BTBD2: variants seen among roughly 807,000 people sequenced by gnomAD.
BTBD2 encodes the protein BTB/POZ domain-containing protein 2.
A neutral mutation model predicts 44.0 loss-of-function variants in BTBD2; 15 were observed. The observed-to-expected ratio is 0.34, with a 90% CI of 0.23 to 0.53. The LOEUF is 0.53. Among genes scored for constraint, BTBD2 ranks in the 20% least tolerant of loss-of-function variants. The pLI, the probability that BTBD2 is intolerant of heterozygous loss-of-function variation, is 0.95. For synonymous variants in BTBD2, 443 were observed against 335.9 expected (o/e 1.32, Z -3.49); for missense variants, 657 against 746.4 (o/e 0.88, Z 1.39).
Position 2,015,680 on chromosome 19 carries a change from C to A in BTBD2, c.24G>T (p.Gly8=), listed in dbSNP as rs1307050725. Residue 8 remains glycine (G), a synonymous_variant, in exon 1 of 9, where the codon GGG becomes GGT. Coordinates refer to ENST00000255608, the MANE Select transcript of BTBD2 (RefSeq NM_017797.4). MAAGGSG[G]RASCPPGVGV... ...CGACCCCCGGCGGGCACGACGCACGCCCGCCGCTCCCACCCGCCGCCATTT... is the reference window on the plus strand; with the variant it reads ...CGACCCCCGGCGGGCACGACGCACGACCGCCGCTCCCACCCGCCGCCATTT... 2 of 990,042 alleles carry A rather than the reference C, an allele frequency of 2.0e-6. No individual in the cohort carries two copies. The highest frequency in any genetic ancestry group is 2.0e-5 in the African/African-American group (1 of 50,032). The allele number at this position is 990,042 out of a possible 1,614,324, so 61.3% of individuals were successfully genotyped here. A position where few individuals can be genotyped will look rare whatever the true frequency, so the allele number is the denominator to read the frequency against.
Position 2,000,482 on chromosome 19 carries a change from G to C in BTBD2, c.408-3019C>G, listed in dbSNP as rs565185593. On this transcript the variant is annotated intron_variant, in intron 1 of 8. Coordinates refer to ENST00000255608, the MANE Select transcript of BTBD2 (RefSeq NM_017797.4). ...CCGGCGTGGGCCGTCCATGCAGTTT[G>C]GAATCAGGGAGCACCTCTGACATGG... Among the ~76,000 whole-genome samples the C allele has an allele frequency of 3.3e-5, 5 of 152,346 alleles. No individual in the cohort carries two copies. The South Asian group carries it at 1.0e-3, about 32-fold the overall frequency.
chr19:2,015,523 C>G lies in BTBD2; in HGVS notation c.181G>C (p.Ala61Pro). ...GCGTCTGTCCCGGGGCCCGGCGGGG[C>G]GGGCGGCGTCGGCCCAGGGGCGGCG... The part of the protein sequence containing the change: ...AAAAPGPTPP[A>P]PPGPGTDAQA... Residue 61 changes from alanine to proline, a missense_variant, in exon 1 of 9, where the codon GCC (alanine) becomes CCC (proline). This residue lies in a region of BTBD2 where 191 missense variants were observed against 188.5 expected (regional missense o/e 1.01). Coordinates refer to ENST00000255608, the MANE Select transcript of BTBD2 (RefSeq NM_017797.4). The G allele has an allele frequency of 1.0e-6, 1 of 963,700 alleles. No individual in the cohort carries two copies. Among genetic ancestry groups the G allele is most frequent in the Non-Finnish European group, 1.2e-6 (1 of 823,256 alleles). The allele number at this position is 963,700 out of a possible 1,614,324, so 59.7% of individuals were successfully genotyped here.
rs557248979 is a variant in BTBD2, at chr19:2,009,577, G to A, written c.407+5720C>T. Among the ~76,000 whole-genome samples the A allele has an allele frequency of 4.0e-4, 60 of 151,870 alleles. 1 individual carries two copies. The highest frequency in any genetic ancestry group is 5.5e-4 in the African/African-American group (23 of 41,472). ...AATAAAGATACGTTAGGCTGGGCGC[G>A]GTGGCTCACACCTGGAATCCCAGCA... On this transcript the variant is annotated intron_variant, in intron 1 of 8. Transcript: ENST00000255608.
intron 2 of BTBD2, 78 bp from the exon 3 acceptor site, chr19:1,993,254 G>A: frequency 6.7e-7 from 1 of 1,488,628 alleles, no homozygotes; most frequent in Non-Finnish European, 8.9e-7. Flanking sequence ...GGACCACTCA[G>A]ACCGTTAGAC....
At chr19:1,997,310 C>T in intron 2 of BTBD2, 34 bp downstream of exon 2, 1 of 1,613,428 alleles carries the variant, frequency 6.2e-7, no homozygotes, top group African/African-American at 1.3e-5. Flanking sequence ...TCCCCAGGCC[C>T]AGCTCCCCAG....
At chr19:1,987,478 C>G in intron 6 of BTBD2, 22 bp downstream of exon 6, 1 of 1,540,512 alleles carries the variant, frequency 6.5e-7, no homozygotes, top group Non-Finnish European at 8.7e-7. Context: ...CCGGACCCCC[C>G]CGCCTGCACC....
chr19:1,993,995 C>CAAAAAAA (rs542137742), intron 2 of BTBD2, among the ~76,000 whole-genome samples: 3 of 24,962 alleles, frequency 1.2e-4, no homozygotes, highest in Non-Finnish European at 1.4e-4. Flanking sequence ...GAATCCGTCT[C>CAAAAAAA]AAAAAAAAAA....
chr19:1,986,726 G>A (rs1211449910), intron 8 of BTBD2, 77 bp from the exon 9 acceptor site: 29 of 1,583,966 alleles, frequency 1.8e-5, no homozygotes, highest in Admixed American at 1.4e-4. Context: ...GCAAGGCCCC[G>A]ACTGGGCCAG....
chr19:1,990,200 G>C lies in BTBD2; in HGVS notation c.792C>G (p.Asp264Glu). The change falls in exon 5 of 9, where the codon GAC (aspartate) becomes GAG (glutamate). Residue 264 changes from aspartate (D) to glutamate (E), a missense_variant and splice_region_variant. Coordinates refer to ENST00000255608, the MANE Select transcript of BTBD2 (RefSeq NM_017797.4). ...CGCGCTCCAGGACAGCCACCAGCGT[G>C]TCTGTGGGGTGGAGGAAGGGGCTGC... ...TAEGFTDIDL[D>E]TLVAVLERDT... 1 of 1,593,456 alleles carries C rather than the reference G, an allele frequency of 6.3e-7. No individual in the cohort carries two copies. Among genetic ancestry groups the C allele is most frequent in the Non-Finnish European group, 8.5e-7 (1 of 1,171,012 alleles).
chr19:1,998,039 GAC>G (rs996413380), intron 1 of BTBD2, among the ~76,000 whole-genome samples: 2 of 151,980 alleles, frequency 1.3e-5, no homozygotes, highest in African/African-American at 4.8e-5. Context: ...GCTCATTTAT[GAC>G]ACATGCATTC....
At chr19:2,000,987 G>T (rs2016322661) in intron 1 of BTBD2, among the ~76,000 whole-genome samples, 1 of 152,200 alleles carries the variant, frequency 6.6e-6, no homozygotes, top group Admixed American at 6.5e-5. Flanking sequence ...CAGATTCAGA[G>T]ACAGAAAGGA....
In BTBD2 at chr19:1,987,702, A is replaced by G. The variant is rs1287616811; in HGVS notation, c.989-10T>C. 1.3e-6 allele frequency: 2 copies of G among 1,580,970 alleles called. No individual in the cohort carries two copies. The highest frequency in any genetic ancestry group is 2.3e-5 in the East Asian group (1 of 44,414). On this transcript the variant is annotated splice_polypyrimidine_tract_variant and intron_variant, in intron 5 of 8. Transcript: ENST00000255608. The stretch of plus-strand genomic sequence containing the variant: ...CCCGACTGTGCGGGACCTGCAGCAC[A>G]GGGAGGGTGTGGGGGAGGGCCGGGC...
At chr19:2,006,927 G>A (rs184697340) in intron 1 of BTBD2, among the ~76,000 whole-genome samples, 266 of 151,928 alleles carry the variant, frequency 1.8e-3, no homozygotes, top group African/African-American at 5.7e-3. Context: ...ACGCGATCTC[G>A]GCTCGCTGCA....
rs142163941 is a variant in BTBD2 at position 2,008,476 on chromosome 19, A to G, written c.407+6821T>C. Among the ~76,000 whole-genome samples, 319 of 151,790 alleles carry G rather than the reference A, an allele frequency of 2.1e-3. 1 individual carries two copies. Among genetic ancestry groups the G allele is most frequent in the Non-Finnish European group, 4.0e-3 (272 of 67,968 alleles). Reference sequence around the variant, plus strand: ...TGGGTACTTTTTGTATTTTTAATACAGACAGAGTTTCACTATGTTGGCCAA... The same window carrying G: ...TGGGTACTTTTTGTATTTTTAATACGGACAGAGTTTCACTATGTTGGCCAA... On this transcript the variant is annotated intron_variant, in intron 1 of 8. Coordinates refer to ENST00000255608, the MANE Select transcript of BTBD2 (RefSeq NM_017797.4).
rs551959251 is a variant in BTBD2, at chr19:1,991,525, C to T, written c.685-703G>A. On this transcript the variant is annotated intron_variant, in intron 3 of 8. Transcript: ENST00000255608. The stretch of plus-strand genomic sequence containing the variant: ...GGAGTGAGCTCCAGCCTCCTCTCAG[C>T]TCAGGCAGAGGCCTCTCCAGCAAGG... 6.6e-5 allele frequency among the ~76,000 whole-genome samples: 10 copies of T among 152,310 alleles called. No individual in the cohort carries two copies. In the East Asian group the frequency reaches 1.9e-3, roughly 29 times the overall value.
rs533043861 is a variant in BTBD2 at position 2,012,253 on chromosome 19, C to T, written c.407+3044G>A. On this transcript the variant is annotated intron_variant, in intron 1 of 8. Transcript: ENST00000255608. ...CTGCAACCTCCACCTCCTGGGTTCA[C>T]GAGATTCTCCTGCCTCAGCCTCCTG... is the stretch of plus-strand genomic sequence containing the variant. Among the ~76,000 whole-genome samples the T allele has an allele frequency of 6.0e-5, 9 of 149,512 alleles. 1 individual carries two copies. Among genetic ancestry groups the T allele is most frequent in the African/African-American group, 2.0e-4 (8 of 39,804 alleles).
chr19:1,990,864 C>T (rs1348033175), intron 3 of BTBD2, 42 bp from the exon 4 acceptor site: 2 of 1,503,348 alleles, frequency 1.3e-6, no homozygotes, highest in Admixed American at 2.0e-5. Flanking sequence ...GGGACATCAG[C>T]ACCCAGCCCT....
At chr19:2,014,588 A>G (rs60999950) in intron 1 of BTBD2, 16,133 of 135,538 alleles carry the variant, frequency 0.12, 1,594 homozygotes, top group African/African-American at 0.28. Context: ...AGGTCCAGGG[A>G]TGGAGCGTCC....
In BTBD2 at chr19:2,012,576, C is replaced by T. The variant is rs971975673; in HGVS notation, c.407+2721G>A. 3.3e-5 allele frequency among the ~76,000 whole-genome samples: 5 copies of T among 152,348 alleles called. No individual in the cohort carries two copies. In the East Asian group the frequency reaches 5.8e-4, roughly 18 times the overall value. On this transcript the variant is annotated intron_variant, in intron 1 of 8. Coordinates refer to ENST00000255608, the MANE Select transcript of BTBD2 (RefSeq NM_017797.4). ...GCGAGAAGCCATTCCTAGTTAAGTTCGTGGGAGTCAAAAGTTGTACTTGGA... is the reference window on the plus strand; with the variant it reads ...GCGAGAAGCCATTCCTAGTTAAGTTTGTGGGAGTCAAAAGTTGTACTTGGA...
Sources: allele counts gnomAD v4.1 joint callset (sites outside exome capture counted in the v4.1 genomes callset), GRCh38; gene constraint gnomAD v4.1.1; regional missense constraint gnomAD v4.1.1; transcripts MANE v1.5; gene names NCBI Gene and HGNC (gene_info 2026-07-23, HGNC 2026-07-21).